The following CIZ1 variants were observed in gnomAD, a reference collection of about 807,000 sequenced individuals.
CIZ1 encodes CDKN1A interacting zinc finger protein 1.
In CIZ1, 58 loss-of-function variants were observed where a neutral mutation model predicts 118.6. That is an observed-to-expected ratio of 0.49 (90% CI 0.40 to 0.61). CIZ1 has a LOEUF of 0.61. Ranked by LOEUF, CIZ1 falls within the 20% of genes least tolerant of loss-of-function variation. The pLI is 0.00. For synonymous variants in CIZ1, 448 were observed against 443.4 expected, an observed-to-expected ratio of 1.01 and a Z score of -0.13; for missense variants, 921 against 1,115.9, an observed-to-expected ratio of 0.83 and a Z score of 2.49.
chr9:128,181,563 G>A (rs1020779058), intron 5 of CIZ1, among the ~76,000 whole-genome samples: 1 of 152,226 alleles, frequency 6.6e-6, no homozygotes, highest in Admixed American at 6.5e-5. Context: ...ACAGAGATAG[G>A]AGCTGAGGGG....
In CIZ1 at chr9:128,166,581, C is replaced by G; in HGVS notation, c.2488-175G>C. 1.0e-6 allele frequency: 1 copy of G among 967,156 alleles called. No individual in the cohort carries two copies. The highest frequency in any genetic ancestry group is 2.6e-5 in the East Asian group (1 of 38,534). The allele number at this position is 967,156 out of a possible 1,614,324, so 59.9% of individuals were successfully genotyped here. On this transcript the variant is annotated intron_variant, in intron 16 of 16. Coordinates refer to ENST00000372938, the MANE Select transcript of CIZ1 (RefSeq NM_001131016.2). This position sits in a 1 kb window ranked among gnomAD's most constrained non-coding sequence, Gnocchi z 4.4. ...AGCTAACAGCCTGGCACTCAGCATC[C>G]CCTTGAACAATAAGAGCCCAACCCC...
At chr9:128,177,846 T>C (rs1323476411) in intron 9 of CIZ1, 83 bp from the exon 10 acceptor site, 1 of 899,204 alleles carries the variant, frequency 1.1e-6, no homozygotes, top group Non-Finnish European at 1.6e-6. Context: ...GCCAACGTTG[T>C]CTCATCAGAT....
chr9:128,195,866 TTTTG>T (rs753558885), upstream of CIZ1, among the ~76,000 whole-genome samples: 13 of 152,078 alleles, frequency 8.5e-5, no homozygotes, highest in East Asian at 1.6e-3. Flanking sequence ...CCATCAGAAT[TTTTG>T]TTTGTTTGTT....
intron 3 of CIZ1, among the ~76,000 whole-genome samples, chr9:128,188,315 A>G (rs1033946480): frequency 2.0e-5 from 3 of 152,204 alleles, no homozygotes; most frequent in African/African-American, 7.2e-5. Context: ...CACAATCATC[A>G]GATACAAATC....
At chr9:128,200,401 T>G (rs1428115338) in intron 1 of CIZ1, among the ~76,000 whole-genome samples, 1 of 151,864 alleles carries the variant, frequency 6.6e-6, no homozygotes, top group African/African-American at 2.4e-5. Flanking sequence ...GGCTCACAGC[T>G]ATAATCCCAG....
upstream of CIZ1, among the ~76,000 whole-genome samples, chr9:128,195,615 G>A (rs1833358071): frequency 6.6e-6 from 1 of 151,952 alleles, no homozygotes; most frequent in African/African-American, 2.4e-5. Flanking sequence ...TCCATGCCAG[G>A]CCTTCCAGAC....
At chr9:128,187,699 C>A (rs994290707) in intron 4 of CIZ1, among the ~76,000 whole-genome samples, 164 bp downstream of exon 4, 2 of 151,884 alleles carry the variant, frequency 1.3e-5, no homozygotes, top group African/African-American at 4.8e-5. Flanking sequence ...AGGACATGGA[C>A]AAGTCACAAA....
chr9:128,177,963 T>C (rs1446554096), intron 9 of CIZ1, among the ~76,000 whole-genome samples, 200 bp from the exon 10 acceptor site: 1 of 152,094 alleles, frequency 6.6e-6, no homozygotes, highest in Non-Finnish European at 1.5e-5. Flanking sequence ...CGGCCTAAAG[T>C]ACCACTCATC....
upstream of CIZ1, among the ~76,000 whole-genome samples, chr9:128,196,315 A>G (rs889898385): frequency 6.6e-6 from 1 of 152,122 alleles, no homozygotes; most frequent in African/African-American, 2.4e-5. Context: ...TGAGAGGCCA[A>G]GGTGGGAGGA....
rs200888458 is a variant in CIZ1, at chr9:128,180,708, C to T, written c.682+13G>A. 318 of 1,588,704 alleles carry T rather than the reference C, an allele frequency of 2.0e-4. 1 individual carries two copies. In the East Asian group the frequency reaches 4.4e-3, roughly 22 times the overall value. The stretch of plus-strand genomic sequence containing the variant: ...CATGTCCCTCTGAAGGGCCAGCAGC[C>T]TCCCTCCCTCACCTTCTGGTGTGTC... On this transcript the variant is annotated intron_variant, in intron 6 of 16. Coordinates refer to ENST00000372938, the MANE Select transcript of CIZ1 (RefSeq NM_001131016.2).
Position 128,180,797 on chromosome 9 carries a change from T to A in CIZ1, c.606A>T (p.Thr202=). The change falls in exon 6 of 17, where the codon ACA becomes ACT. Residue 202 remains threonine, a synonymous_variant. Transcript: ENST00000372938. Reference sequence around the variant, plus strand: ...GGTCTGACTTGTCTTCCACAGGCATTGTCTGAGAAGAAGAATCCTGCTTCC... The same window carrying A: ...GGTCTGACTTGTCTTCCACAGGCATAGTCTGAGAAGAAGAATCCTGCTTCC... ...TPNRKDSSSQ[T]MPVEDKSDPP... 2 of 1,610,968 alleles carry A rather than the reference T, an allele frequency of 1.2e-6. No individual in the cohort carries two copies. Among genetic ancestry groups the A allele is most frequent in the Non-Finnish European group, 1.7e-6 (2 of 1,178,844 alleles).
chr9:128,203,692 C>A lies in CIZ1; in HGVS notation c.-6+494G>T, dbSNP rs552678023. 1.4e-5 allele frequency: 19 copies of A among 1,386,504 alleles called. No individual in the cohort carries two copies. In the African/African-American group the frequency reaches 2.9e-4, roughly 21 times the overall value. The allele number at this position is 1,386,504 out of a possible 1,614,324, so 85.9% of individuals were successfully genotyped here. On this transcript the variant is annotated intron_variant, in intron 1 of 17. Transcript: ENST00000372948. The surrounding 1 kb of genome is among the most constrained non-coding windows in gnomAD (Gnocchi z 5.3). ...CCCCCGGGATCCCTGGAGTCCCCGC[C>A]CGGGGCACTGACGGCGCGGCGACCT...
intron 11 of CIZ1, among the ~76,000 whole-genome samples, chr9:128,173,392 G>C (rs1361830663): frequency 6.6e-6 from 1 of 151,622 alleles, no homozygotes; most frequent in Non-Finnish European, 1.5e-5. Flanking sequence ...TGATCCACCC[G>C]CCTCAGCCTC....
At chr9:128,199,425 G>A (rs936314672) in intron 1 of CIZ1, among the ~76,000 whole-genome samples, 1 of 152,024 alleles carries the variant, frequency 6.6e-6, no homozygotes, top group Non-Finnish European at 1.5e-5. Context: ...GCTCAGCCAT[G>A]TATGGTGGCT....
chr9:128,174,024 C>G (rs7847909), intron 11 of CIZ1, among the ~76,000 whole-genome samples: 4 of 147,672 alleles, frequency 2.7e-5, no homozygotes, highest in African/African-American at 7.6e-5. Flanking sequence ...AACAAAAAAA[C>G]AAAAAAAAAA....
At chr9:128,185,922 G>A (rs1457254534) in intron 4 of CIZ1, 146 bp from the exon 5 acceptor site, 1 of 677,506 alleles carries the variant, frequency 1.5e-6, no homozygotes, top group African/African-American at 1.8e-5. Context: ...AAAGGGAAGA[G>A]ATGAGAGCTG....
At chr9:128,177,528 G>GCCGCC in intron 10 of CIZ1, 38 bp downstream of exon 10, 1 of 1,164,646 alleles carries the variant, frequency 8.6e-7, no homozygotes. Context: ...TTCCACGCAG[G>GCCGCC]CCCCACCCCT....
Position 128,180,817 on chromosome 9 carries a change from G to A in CIZ1, c.589-3C>T. On this transcript the variant is annotated splice_polypyrimidine_tract_variant and splice_region_variant and intron_variant, in intron 5 of 16. Transcript: ENST00000372938. ...GGCATTGTCTGAGAAGAAGAATCCT[G>A]CTTCCTTTCAGAAACTATGTTGACA... 1.2e-6 allele frequency: 2 copies of A among 1,604,924 alleles called. No individual in the cohort carries two copies. The highest frequency in any genetic ancestry group is 1.7e-6 in the Non-Finnish European group (2 of 1,175,156).
chr9:128,201,387 T>C (rs1588288566), intron 1 of CIZ1, among the ~76,000 whole-genome samples: 1 of 152,236 alleles, frequency 6.6e-6, no homozygotes, highest in Middle Eastern at 3.4e-3. Context: ...GAGGCAGAGG[T>C]TGCAGTGAGC....
Sources: gnomAD v4.1 joint callset for allele counts (sites outside exome capture counted in the v4.1 genomes callset) on GRCh38, gnomAD v4.1.1 for gene constraint, Gnocchi (gnomAD v3.1) non-coding constraint, MANE v1.5 for transcripts, NCBI Gene and HGNC (gene_info 2026-07-23, HGNC 2026-07-21) for gene names.